The following GRAMD2B variants were observed in gnomAD, a reference collection of about 807,000 sequenced individuals.
GRAMD2B encodes the protein GRAM domain-containing protein 2B.
GRAMD2B carries 41 observed loss-of-function variants against 59.2 expected under a neutral mutation model. That is an observed-to-expected ratio of 0.69 (90% CI 0.54 to 0.90). The LOEUF is 0.90. GRAMD2B is among the 40% of genes least tolerant of loss of function. GRAMD2B has a pLI of 0.00. For missense variants in GRAMD2B, 424 were observed against 500.5 expected (o/e 0.85, Z 1.46); for synonymous variants, 161 against 182.7 (o/e 0.88, Z 0.96).
chr5:126,479,837 T>G (rs929036794), intron 6 of GRAMD2B, among the ~76,000 whole-genome samples: 1 of 152,240 alleles, frequency 6.6e-6, no homozygotes, highest in Non-Finnish European at 1.5e-5. Flanking sequence ...ACATATTGTT[T>G]ATGGTAAAAT....
In GRAMD2B at chr5:126,472,234, G is replaced by A. The variant is rs779047484; in HGVS notation, c.316-4G>A. 12 of 1,609,766 alleles carry A rather than the reference G, an allele frequency of 7.5e-6. No individual in the cohort carries two copies. The highest frequency in any genetic ancestry group is 2.2e-5 in the South Asian group (2 of 90,794). On this transcript the variant is annotated splice_region_variant and splice_polypyrimidine_tract_variant and intron_variant, in intron 3 of 13. Transcript: ENST00000285689. ...GTGATGCTTGTATTTTGTTCTCATT[G>A]TAGTACAAGGCCAATATGCACTTTC...
At chr5:126,392,204 T>A (rs1450282930) in intron 1 of GRAMD2B, among the ~76,000 whole-genome samples, 1 of 152,126 alleles carries the variant, frequency 6.6e-6, no homozygotes, top group Non-Finnish European at 1.5e-5. Flanking sequence ...AGGGGTTGTG[T>A]TCCCCAAGAC....
At chr5:126,387,118 G>C (rs532183558) in intron 1 of GRAMD2B, among the ~76,000 whole-genome samples, 1 of 151,996 alleles carries the variant, frequency 6.6e-6, no homozygotes, top group Non-Finnish European at 1.5e-5. Context: ...TCAAAAAACT[G>C]TCAAGCTATT....
intron 1 of GRAMD2B, among the ~76,000 whole-genome samples, chr5:126,377,486 G>A (rs1465548164): frequency 6.6e-6 from 1 of 152,162 alleles, no homozygotes; most frequent in Non-Finnish European, 1.5e-5. Flanking sequence ...TATTTTAACT[G>A]CAAGTATAAT....
chr5:126,453,676 T>A (rs541507477), intron 1 of GRAMD2B, among the ~76,000 whole-genome samples: 16 of 152,340 alleles, frequency 1.1e-4, no homozygotes, highest in African/African-American at 3.8e-4. Context: ...ATGAAAACAG[T>A]CTTTTCAAGT....
intron 8 of GRAMD2B, among the ~76,000 whole-genome samples, chr5:126,481,203 A>AAAAGAAAGAAAGAAAG (rs199869481): frequency 2.5e-3 from 199 of 80,100 alleles, no homozygotes; most frequent in African/African-American, 0.011. Context: ...AAAAAAAAAA[A>AAAAGAAAGAAAGAAAG]AAAGAAAGAA....
At chr5:126,481,206 AGAAAGAAAGAAAGAAAGAAAG>A (rs1561598607) in intron 8 of GRAMD2B, among the ~76,000 whole-genome samples, 2 of 70,114 alleles carry the variant, frequency 2.9e-5, no homozygotes, top group African/African-American at 4.7e-5. Context: ...AAAAAAAAAA[AGAAAGAAAGAAAGAAAGAAAG>A]AAAGAAAGAA....
In GRAMD2B at chr5:126,484,526, T is replaced by C. The variant is rs1259908317; in HGVS notation, c.970+2T>C. 14 of 1,610,048 alleles carry C rather than the reference T, an allele frequency of 8.7e-6. No individual in the cohort carries two copies. Among genetic ancestry groups the C allele is most frequent in the Non-Finnish European group, 1.2e-5 (14 of 1,179,010 alleles). ...AAGCCAAGAGTCTCCCTGTACAGGG[T>C]AAGGAATGGATGTCTCAGGGGGGTG... On this transcript the variant is annotated splice_donor_variant, in intron 10 of 13. Transcript: ENST00000285689. LOFTEE classifies it high-confidence loss of function.
chr5:126,383,893 G>T (rs569454014), intron 1 of GRAMD2B, among the ~76,000 whole-genome samples: 4 of 152,154 alleles, frequency 2.6e-5, no homozygotes, highest in South Asian at 2.1e-4. Flanking sequence ...GAAAGAGAAG[G>T]TCAGAGAGAA....
intron 1 of GRAMD2B, among the ~76,000 whole-genome samples, chr5:126,399,148 A>T (rs1240908159): frequency 5.9e-5 from 9 of 152,190 alleles, no homozygotes; most frequent in Non-Finnish European, 2.9e-5. Flanking sequence ...ATGTTTCATT[A>T]TCAATTTTCT....
At chr5:126,384,567 G>T (rs1462495674) in intron 1 of GRAMD2B, among the ~76,000 whole-genome samples, 1 of 152,248 alleles carries the variant, frequency 6.6e-6, no homozygotes, top group African/African-American at 2.4e-5. Context: ...GGAGGGAAAA[G>T]AAATCTGGAA....
upstream of GRAMD2B, among the ~76,000 whole-genome samples, chr5:126,366,724 G>T (rs1194685919): frequency 6.6e-6 from 1 of 151,586 alleles, no homozygotes; most frequent in African/African-American, 2.4e-5. Flanking sequence ...AAATCAAACA[G>T]CCAACCACAG....
intron 1 of GRAMD2B, among the ~76,000 whole-genome samples, chr5:126,381,750 C>G (rs1485094104): frequency 6.6e-6 from 1 of 151,784 alleles, no homozygotes; most frequent in East Asian, 1.9e-4. Flanking sequence ...GCCTGAATAC[C>G]TTGGGGTTTT....
In GRAMD2B at chr5:126,488,798, G is replaced by A. The variant is rs767289775; in HGVS notation, c.1164-1G>A. 1.2e-6 allele frequency: 2 copies of A among 1,608,358 alleles called. No individual in the cohort carries two copies. Among genetic ancestry groups the A allele is most frequent in the South Asian group, 1.1e-5 (1 of 90,408 alleles). ...AATAATTTTTCTCTTTTTTCTTACA[G>A]ACAGGCAGCACCATCTGGCCTGAGG... On this transcript the variant is annotated splice_acceptor_variant, in intron 12 of 13. Transcript: ENST00000285689. LOFTEE classifies it high-confidence loss of function.
chr5:126,474,824 T>C (rs1770277764), intron 5 of GRAMD2B, among the ~76,000 whole-genome samples: 1 of 152,238 alleles, frequency 6.6e-6, no homozygotes, highest in South Asian at 2.1e-4. Context: ...TTTGAAGACA[T>C]GGATATACTG....
At chr5:126,408,958 C>T (rs961235509) in intron 1 of GRAMD2B, among the ~76,000 whole-genome samples, 1 of 150,318 alleles carries the variant, frequency 6.7e-6, no homozygotes, top group African/African-American at 2.5e-5. Context: ...TTTGTTCCTG[C>T]GATAGTTTAC....
chr5:126,461,621 G>A (rs999715700), intron 1 of GRAMD2B, among the ~76,000 whole-genome samples: 14 of 152,062 alleles, frequency 9.2e-5, no homozygotes, highest in African/African-American at 2.9e-4. Context: ...CCAACACAGC[G>A]AAACCCCGTC....
intron 1 of GRAMD2B, among the ~76,000 whole-genome samples, chr5:126,380,431 G>C (rs906305752): frequency 2.0e-5 from 3 of 151,848 alleles, no homozygotes; most frequent in Non-Finnish European, 2.9e-5. Flanking sequence ...TTCTAGTTCT[G>C]TGAAGAATGA....
intron 1 of GRAMD2B, among the ~76,000 whole-genome samples, chr5:126,449,448 G>A (rs946608394): frequency 6.6e-6 from 1 of 152,122 alleles, no homozygotes; most frequent in Admixed American, 6.5e-5. Context: ...ATACAGATAA[G>A]AGACATTTAC....
Sources: gnomAD v4.1 joint callset for allele counts (sites outside exome capture counted in the v4.1 genomes callset) on GRCh38, gnomAD v4.1.1 for gene constraint, MANE v1.5 for transcripts, NCBI Gene and HGNC (gene_info 2026-07-23, HGNC 2026-07-21) for gene names.